Variants in MARS1 observed in about 807,000 individuals in gnomAD.
The protein encoded by MARS1 is methionine--tRNA ligase, cytoplasmic.
In MARS1, 80 loss-of-function variants were observed where a neutral mutation model predicts 119.5. The observed-to-expected ratio is 0.67, with a 90% CI of 0.56 to 0.81. The LOEUF (loss-of-function observed/expected upper bound fraction) is 0.81. Among genes scored for constraint, MARS1 ranks in the 30% least tolerant of loss-of-function variants. MARS1 has a pLI of 0.00. For synonymous variants in MARS1, 418 were observed against 433.4 expected (o/e 0.96, Z 0.44); for missense variants, 945 against 1,116.5 (o/e 0.85, Z 2.19).
At chr12:57,499,586 G>A (rs1460488216) in intron 9 of MARS1, among the ~76,000 whole-genome samples, 1 of 140,506 alleles carries the variant, frequency 7.1e-6, no homozygotes, top group Non-Finnish European at 1.5e-5. Context: ...ACTTGGTGAC[G>A]GAGTGAGACT....
At chr12:57,512,190 C>A in intron 13 of MARS1, 46 bp from the exon 14 acceptor site, 1 of 1,601,284 alleles carries the variant, frequency 6.2e-7, no homozygotes, top group Non-Finnish European at 8.6e-7. Context: ...TTCCTTGGGC[C>A]TTTGAAGGAG....
intron 7 of MARS1, among the ~76,000 whole-genome samples, chr12:57,493,509 ATATAATATATAATATAT>A: frequency 9.9e-4 from 2 of 2,018 alleles, no homozygotes; most frequent in Non-Finnish European, 3.2e-3. Context: ...AATATATAAT[ATATAATATATAATATAT>A]TATAATATAT....
At position 57,515,290 on chromosome 12, in the gene MARS1, T is replaced by C; in HGVS notation, c.2345T>C (p.Leu782Pro). 1.2e-6 allele frequency: 2 copies of C among 1,613,788 alleles called. No individual in the cohort carries two copies. Among genetic ancestry groups the C allele is most frequent in the Non-Finnish European group, 1.7e-6 (2 of 1,180,024 alleles). Residue 782 changes from leucine to proline, a missense_variant, in exon 18 of 21, where the codon CTG becomes CCG. Physicochemically the swap from Leu to Pro is moderately conservative, Grantham distance 98 (BLOSUM62 -3). Transcript: ENST00000262027. ...QLPPPACSILLTNFLCTLPAG... is the reference protein window; with the variant it reads ...QLPPPACSILPTNFLCTLPAG... ...CCACCTCCAGCCTGCAGTATCCTGC[T>C]GACAAACTTCCTGTGTACCTTACCA...
intron 10 of MARS1, among the ~76,000 whole-genome samples, chr12:57,502,951 G>T (rs539207914): frequency 1.4e-4 from 21 of 151,964 alleles, no homozygotes; most frequent in Non-Finnish European, 2.8e-4. Context: ...GCTTGAACCC[G>T]GGAGGTGGAG....
At chr12:57,501,364 T>TG (rs1157410675) in intron 10 of MARS1, among the ~76,000 whole-genome samples, 1 of 152,136 alleles carries the variant, frequency 6.6e-6, no homozygotes, top group Non-Finnish European at 1.5e-5. Flanking sequence ...CTGTGGAAAA[T>TG]GGATGGCAGG....
intron 7 of MARS1, among the ~76,000 whole-genome samples, chr12:57,493,938 T>TTA (rs1198473845): frequency 2.1e-5 from 2 of 95,846 alleles, no homozygotes; most frequent in East Asian, 2.6e-4. Context: ...ATATTATATA[T>TTA]TATATATATA....
chr12:57,494,663 A>G (rs1334040009), intron 7 of MARS1, among the ~76,000 whole-genome samples: 3 of 151,862 alleles, frequency 2.0e-5, no homozygotes, highest in East Asian at 3.9e-4. Context: ...AGCCTTCCGC[A>G]GTGTTTGTGT....
chr12:57,492,730 T>C (rs1311194748), intron 7 of MARS1, among the ~76,000 whole-genome samples: 5 of 149,194 alleles, frequency 3.4e-5, no homozygotes, highest in African/African-American at 1.2e-4. Flanking sequence ...TAAACAAATT[T>C]GAGACTTGCA....
intron 7 of MARS1, among the ~76,000 whole-genome samples, chr12:57,493,233 T>C (rs1876080715): frequency 7.1e-6 from 1 of 140,184 alleles, no homozygotes; most frequent in South Asian, 2.1e-4. Context: ...GTTCTGTAGA[T>C]ATTGATAACA....
rs757725212 is a variant in MARS1, at chr12:57,516,541, G to A, written c.2663G>A (p.Gly888Glu). The A allele has an allele frequency of 6.2e-7, 1 of 1,607,284 alleles. No individual in the cohort carries two copies. Among genetic ancestry groups the A allele is most frequent in the Non-Finnish European group, 8.5e-7 (1 of 1,178,088 alleles). The change falls in exon 21 of 21, where the codon GGG becomes GAG. Residue 888 changes from glycine to glutamate, a missense_variant. Transcript: ENST00000262027. ...AAGAAACAGTTGGCTGTAGCTGAGG[G>A]GAAACCCCCTGAAGCCCCTAAAGGC... ...DLKKQLAVAEGKPPEAPKGKK... is the reference protein window; with the variant it reads ...DLKKQLAVAEEKPPEAPKGKK...
chr12:57,507,705 GT>G (rs1476472730), intron 11 of MARS1, among the ~76,000 whole-genome samples: 110 of 106,444 alleles, frequency 1.0e-3, no homozygotes, highest in Non-Finnish European at 1.2e-3. Context: ...CCGGGCGGGG[GT>G]CTGGCCCCCC....
chr12:57,495,933 G>A (rs2140014009), intron 7 of MARS1, among the ~76,000 whole-genome samples: 1 of 152,322 alleles, frequency 6.6e-6, no homozygotes, highest in African/African-American at 2.4e-5. Flanking sequence ...AGGTTGCAGT[G>A]AGCCGAGATG....
At chr12:57,509,134 T>G (rs916727802) in intron 11 of MARS1, among the ~76,000 whole-genome samples, 5 of 152,218 alleles carry the variant, frequency 3.3e-5, no homozygotes, top group African/African-American at 9.6e-5. Context: ...ATGTTCAAAT[T>G]GTTACTTATT....
Position 57,501,836 on chromosome 12 carries a change from C to A in MARS1, c.1293+1314C>A, listed in dbSNP as rs541729040. Among the ~76,000 whole-genome samples the A allele has an allele frequency of 4.6e-4, 67 of 146,426 alleles. 1 individual carries two copies. The highest frequency in any genetic ancestry group is 1.5e-3 in the African/African-American group (58 of 39,678). On this transcript the variant is annotated intron_variant, in intron 10 of 20. Transcript: ENST00000262027. ...GACTCTGTCTAAAAAAAAAAAAAAA[C>A]CACAAAAATTATCCAGGCCGTGGTG...
chr12:57,500,689 C>T (rs574259138), intron 10 of MARS1, among the ~76,000 whole-genome samples, 167 bp downstream of exon 10: 2 of 152,252 alleles, frequency 1.3e-5, no homozygotes, highest in East Asian at 1.9e-4. Context: ...GAAAAATACT[C>T]CCTGAGCACT....
chr12:57,491,300 C>G (rs1360090154), intron 7 of MARS1, among the ~76,000 whole-genome samples: 1 of 152,180 alleles, frequency 6.6e-6, no homozygotes, highest in African/African-American at 2.4e-5. Context: ...CCTCTACAGG[C>G]ATCTCAAATT....
Position 57,489,260 on chromosome 12 carries a change from T to G in MARS1, c.201-7T>G, listed in dbSNP as rs1324593603. The G allele has an allele frequency of 3.1e-6, 5 of 1,613,738 alleles. No homozygotes were observed. Among genetic ancestry groups the G allele is most frequent in the Non-Finnish European group, 4.2e-6 (5 of 1,179,980 alleles). The stretch of plus-strand genomic sequence containing the variant: ...AGTCCATCATCTGTTGCTCTCTCTC[T>G]GGGCAGATATTTTTTTTTGTTATCT... On this transcript the variant is annotated splice_polypyrimidine_tract_variant and splice_region_variant and intron_variant, in intron 2 of 20. Coordinates refer to ENST00000262027, the MANE Select transcript of MARS1 (RefSeq NM_004990.4).
At chr12:57,502,517 C>G (rs1242111347) in intron 10 of MARS1, among the ~76,000 whole-genome samples, 1 of 151,710 alleles carries the variant, frequency 6.6e-6, no homozygotes, top group Non-Finnish European at 1.5e-5. Context: ...ACCAGTCTGA[C>G]CAACATGGCG....
Position 57,489,112 on chromosome 12 carries a change from C to T in MARS1, c.200+3C>T, listed in dbSNP as rs770468280. ...TTCTCCACTAGTGCAATCTGCCGGT[C>T]AGTATTGGTCCTTGGTGTAGGGAGG... On this transcript the variant is annotated splice_donor_region_variant and intron_variant, in intron 2 of 20. Transcript: ENST00000262027. The T allele has an allele frequency of 1.9e-6, 3 of 1,613,738 alleles. No individual in the cohort carries two copies. Among genetic ancestry groups the T allele is most frequent in the South Asian group, 1.1e-5 (1 of 91,044 alleles).
Sources: gnomAD v4.1 joint callset for allele counts (sites outside exome capture counted in the v4.1 genomes callset) on GRCh38, gnomAD v4.1.1 for gene constraint, MANE v1.5 for transcripts, NCBI Gene and HGNC (gene_info 2026-07-23, HGNC 2026-07-21) for gene names.